Variants in MTUS2 observed in about 807,000 individuals in gnomAD.
The protein encoded by MTUS2 is microtubule-associated tumor suppressor candidate 2.
MTUS2 carries 40 observed loss-of-function variants against 114.1 expected under a neutral mutation model. The observed-to-expected ratio is 0.35, with a 90% CI of 0.27 to 0.46. The LOEUF (loss-of-function observed/expected upper bound fraction) is 0.46, where lower values mean the gene tolerates loss of function less well. Ranked by LOEUF, MTUS2 falls within the 20% of genes least tolerant of loss-of-function variation. The probability of loss-of-function intolerance (pLI) is 1.00; values close to 1 mark genes in which losing one functional copy is unlikely to be tolerated. For synonymous variants in MTUS2, 688 were observed against 672.0 expected (o/e 1.02, Z -0.37); for missense variants, 1,679 against 1,705.4 (o/e 0.98, Z 0.27).
intron 2 of MTUS2, among the ~76,000 whole-genome samples, chr13:28,979,760 C>A (rs191599589): frequency 3.6e-4 from 55 of 152,146 alleles, no homozygotes; most frequent in Non-Finnish European, 6.9e-4. Context: ...TCAGAAGATG[C>A]CCAGTTTCCC....
At chr13:29,098,087 G>A (rs1395252489) in intron 4 of MTUS2, among the ~76,000 whole-genome samples, 2 of 152,130 alleles carry the variant, frequency 1.3e-5, no homozygotes, top group Non-Finnish European at 2.9e-5. Flanking sequence ...AATCACTGAC[G>A]TGATTGTTTA....
At chr13:29,056,690 A>G (rs549666851) in intron 4 of MTUS2, among the ~76,000 whole-genome samples, 1 of 151,876 alleles carries the variant, frequency 6.6e-6, no homozygotes, top group African/African-American at 2.4e-5. Context: ...GTTTATTTGC[A>G]TCGTCTCTCT....
At chr13:28,840,585 T>TA (rs769609577) in intron 2 of MTUS2, among the ~76,000 whole-genome samples, 2 of 152,220 alleles carry the variant, frequency 1.3e-5, no homozygotes, top group Non-Finnish European at 2.9e-5. Flanking sequence ...AAAGTTTTAA[T>TA]AAAAATACAA....
intron 5 of MTUS2, among the ~76,000 whole-genome samples, chr13:29,104,580 A>G (rs1050498207): frequency 6.6e-6 from 1 of 152,150 alleles, no homozygotes; most frequent in South Asian, 2.1e-4. Context: ...CTATGAGTTC[A>G]GATTGCCTCC....
intron 3 of MTUS2, among the ~76,000 whole-genome samples, chr13:29,033,443 C>A (rs1392145531): frequency 3.3e-5 from 5 of 152,122 alleles, no homozygotes; most frequent in East Asian, 1.9e-4. Flanking sequence ...TATAAATGGA[C>A]ACAGTTTACC....
At chr13:28,828,374 A>G (rs1373306945) in intron 1 of MTUS2, among the ~76,000 whole-genome samples, 2 of 152,152 alleles carry the variant, frequency 1.3e-5, no homozygotes, top group Admixed American at 6.5e-5. Flanking sequence ...CAGGGTCCTG[A>G]GGTGACATTC....
At chr13:29,241,247 C>A (rs1312881396) in intron 5 of MTUS2, among the ~76,000 whole-genome samples, 3 of 151,798 alleles carry the variant, frequency 2.0e-5, no homozygotes, top group African/African-American at 7.3e-5. Context: ...GTCCATTTCT[C>A]TTTTCTTGTC....
chr13:28,946,025 A>G (rs1882507497), intron 2 of MTUS2, among the ~76,000 whole-genome samples: 1 of 152,232 alleles, frequency 6.6e-6, no homozygotes, highest in Non-Finnish European at 1.5e-5. Context: ...ACACAGCTAT[A>G]GATATGTAAA....
intron 2 of MTUS2, among the ~76,000 whole-genome samples, chr13:28,950,377 G>GT (rs1345522361): frequency 6.6e-6 from 1 of 152,172 alleles, no homozygotes; most frequent in African/African-American, 2.4e-5. Flanking sequence ...ATTCGCAAAT[G>GT]TTTTTTCCCA....
At position 29,480,024 on chromosome 13, in the gene MTUS2, C is replaced by T; in HGVS notation, c.3185-126C>T. On this transcript the variant is annotated intron_variant, in intron 9 of 15. Transcript: ENST00000612955. This position sits in a 1 kb window ranked among gnomAD's most constrained non-coding sequence, Gnocchi z 4.4. ...AAAGCACTTTACAAACTGTGTAGCC[C>T]TGCAGAAGTCAGAGGACCTCGCCCT... 2.3e-6 allele frequency: 2 copies of T among 883,712 alleles called. No homozygotes were observed. Among genetic ancestry groups the T allele is most frequent in the Non-Finnish European group, 3.5e-6 (2 of 573,376 alleles). The allele number at this position is 883,712 out of a possible 1,614,324, so 54.7% of individuals were successfully genotyped here.
intron 9 of MTUS2, among the ~76,000 whole-genome samples, chr13:29,449,918 A>G (rs1272250191): frequency 2.6e-5 from 4 of 152,312 alleles, no homozygotes; most frequent in South Asian, 4.1e-4. Context: ...TCTCTCTTAC[A>G]TAAGAGTCAG....
At chr13:29,357,200 T>A (rs989347287) in intron 7 of MTUS2, among the ~76,000 whole-genome samples, 14 of 109,984 alleles carry the variant, frequency 1.3e-4, no homozygotes, top group African/African-American at 3.5e-4. Flanking sequence ...GATGATGATA[T>A]TATTATTATT....
rs930346662 is a variant in MTUS2 at position 29,263,198 on chromosome 13, G to A, written c.2645-18506G>A. 5.3e-5 allele frequency among the ~76,000 whole-genome samples: 8 copies of A among 152,300 alleles called. No homozygotes were observed. The South Asian group carries it at 1.7e-3, about 32-fold the overall frequency. On this transcript the variant is annotated intron_variant, in intron 5 of 15. Coordinates refer to ENST00000612955, the MANE Select transcript of MTUS2 (RefSeq NM_001033602.4). ...AAGCCTGTCCAGAAGAGCTCAAGGA[G>A]ACTAGACCCTATAGTAGGAATCCAG...
chr13:28,829,608 C>T (rs1371495620), intron 1 of MTUS2, among the ~76,000 whole-genome samples: 1 of 152,078 alleles, frequency 6.6e-6, no homozygotes, highest in Non-Finnish European at 1.5e-5. Flanking sequence ...CTCTAAGATC[C>T]CCAGTCTCAG....
At chr13:29,180,425 G>A (rs938679923) in intron 5 of MTUS2, among the ~76,000 whole-genome samples, 12 of 152,156 alleles carry the variant, frequency 7.9e-5, no homozygotes, top group African/African-American at 2.4e-4. Flanking sequence ...AAAGATAGAA[G>A]CAAATTAAAA....
chr13:29,195,804 G>A (rs1894672829), intron 5 of MTUS2, among the ~76,000 whole-genome samples: 1 of 152,138 alleles, frequency 6.6e-6, no homozygotes, highest in Admixed American at 6.5e-5. Flanking sequence ...AGTGTGATGT[G>A]TGCAAGAGAC....
chr13:29,389,333 ATATGTATGCACGTGTG>A lies in MTUS2; in HGVS notation c.3117+29862_3117+29877del, dbSNP rs1566172386. On this transcript the variant is annotated intron_variant, in intron 8 of 15. Coordinates refer to ENST00000612955, the MANE Select transcript of MTUS2 (RefSeq NM_001033602.4). Reference sequence around the variant, plus strand: ...TATATGTATACACATATGTGTGTATATATGTATGCACGTGTGTGTATATATGTATGCACGTGTGTGT... The same window carrying A: ...TATATGTATACACATATGTGTGTATATGTATATATGTATGCACGTGTGTGT... Among the ~76,000 whole-genome samples the A allele has an allele frequency of 5.1e-3, 279 of 55,082 alleles. 8 individuals carry two copies. Among genetic ancestry groups the A allele is most frequent in the Middle Eastern group, 9.1e-3 (1 of 110 alleles). 36.1% of individuals were successfully genotyped at this position (55,082 alleles called of 152,430 possible).
rs570170535 is a variant in MTUS2 at position 29,267,225 on chromosome 13, T to C, written c.2645-14479T>C. Among the ~76,000 whole-genome samples the C allele has an allele frequency of 7.3e-4, 111 of 152,232 alleles. 2 individuals carry two copies. Among genetic ancestry groups the C allele is most frequent in the Non-Finnish European group, 1.0e-3 (69 of 68,048 alleles). On this transcript the variant is annotated intron_variant, in intron 5 of 15. Transcript: ENST00000612955. ...AAGAATGATTCTGATGCTTTGTTTCTAGGTTTCTATAACGATATCAATAAT... is the reference window on the plus strand; with the variant it reads ...AAGAATGATTCTGATGCTTTGTTTCCAGGTTTCTATAACGATATCAATAAT...
chr13:29,084,657 C>T (rs1889597373), intron 4 of MTUS2, among the ~76,000 whole-genome samples: 1 of 151,924 alleles, frequency 6.6e-6, no homozygotes, highest in African/African-American at 2.4e-5. Flanking sequence ...CCTGTTTCAG[C>T]CTCCCTAGGA....
Sources: gnomAD v4.1 joint callset for allele counts (sites outside exome capture counted in the v4.1 genomes callset) on GRCh38, gnomAD v4.1.1 for gene constraint, Gnocchi (gnomAD v3.1) non-coding constraint, MANE v1.5 for transcripts, NCBI Gene and HGNC (gene_info 2026-07-23, HGNC 2026-07-21) for gene names.